Variants in DCT observed in about 807,000 individuals in gnomAD.
DCT encodes the protein dopachrome tautomerase, also known as L-dopachrome tautomerase.
DCT carries 47 observed loss-of-function variants against 53.0 expected under a neutral mutation model. The observed-to-expected ratio is 0.89, with a 90% CI of 0.70 to 1.13. The LOEUF (loss-of-function observed/expected upper bound fraction) is 1.13, where lower values mean the gene tolerates loss of function less well. Among genes scored for constraint, DCT ranks in the 50% most tolerant of loss-of-function variants. The probability of loss-of-function intolerance (pLI) is 0.00; values close to 1 mark genes in which losing one functional copy is unlikely to be tolerated. For missense variants in DCT, 669 were observed against 637.4 expected, an observed-to-expected ratio of 1.05 and a Z score of -0.53; for synonymous variants, 244 against 237.0, an observed-to-expected ratio of 1.03 and a Z score of -0.27.
At chr13:94,487,006 CT>C in the DCT span, among the ~76,000 whole-genome samples, 7 of 152,102 alleles carry the variant, frequency 4.6e-5, no homozygotes, top group Admixed American at 3.9e-4. Context: ...AGAAGAATCC[CT>C]AAAAATTTGG....
upstream of DCT, among the ~76,000 whole-genome samples, chr13:94,483,363 A>G (rs1885527631): frequency 6.6e-6 from 1 of 151,838 alleles, no homozygotes; most frequent in Non-Finnish European, 1.5e-5. Flanking sequence ...TTCCTTCCCC[A>G]ATTCTTTCAT....
At position 94,479,433 on chromosome 13, in the gene DCT, CAT is replaced by C. The variant is rs1389985319; in HGVS notation, c.-180_-179del. 3.3e-6 allele frequency: 2 copies of C among 607,792 alleles called. No homozygotes were observed. Among genetic ancestry groups the C allele is most frequent in the African/African-American group, 1.8e-5 (1 of 54,202 alleles). The allele number at this position is 607,792 out of a possible 1,614,324, so 37.6% of individuals were successfully genotyped here. ...GAATCACAGAGGTTACATGTGTGCA[CAT>C]GTGTACATGAACGTGCACACACAAT... On this transcript the variant is annotated 5_prime_UTR_variant, in exon 1 of 8. It removes an upstream start codon present in the reference 5' UTR. Coordinates refer to ENST00000377028, the MANE Select transcript of DCT (RefSeq NM_001922.5).
the DCT span, among the ~76,000 whole-genome samples, chr13:94,503,597 T>C: frequency 2.7e-3 from 405 of 152,232 alleles, 4 homozygotes; most frequent in African/African-American, 9.4e-3. Context: ...AAGAAAGCCA[T>C]GTGAAGACAA....
intron 1 of DCT, 93 bp from the exon 2 acceptor site, chr13:94,469,138 A>C: frequency 1.8e-6 from 2 of 1,086,762 alleles, no homozygotes; most frequent in South Asian, 1.4e-5. Flanking sequence ...AATGGAAGAG[A>C]AGATGAAGGT....
At chr13:94,522,163 C>A in the DCT span, among the ~76,000 whole-genome samples, 163 of 152,244 alleles carry the variant, frequency 1.1e-3, no homozygotes, top group South Asian at 2.3e-3. Flanking sequence ...AAGTATTGAT[C>A]CTAGATGTGT....
chr13:94,544,034 C>CAAA, the DCT span, among the ~76,000 whole-genome samples: 10 of 122,062 alleles, frequency 8.2e-5, 1 homozygote, highest in Admixed American at 3.2e-4. Flanking sequence ...GACTCTGTCT[C>CAAA]AAAAAAAAAA....
chr13:94,465,529 C>A, intron 4 of DCT, 104 bp downstream of exon 4: 2 of 985,752 alleles, frequency 2.0e-6, no homozygotes, highest in South Asian at 2.3e-5. Flanking sequence ...GTAAATAGGA[C>A]ACCACATGCA....
chr13:94,472,513 CATACATACATATATATATATAT>C (rs1288243807), intron 1 of DCT, among the ~76,000 whole-genome samples: 4 of 37,510 alleles, frequency 1.1e-4, no homozygotes, highest in Non-Finnish European at 2.0e-4. Context: ...TAAATATATA[CATACATACATATATATATATAT>C]ATATATATAT....
chr13:94,447,731 G>A (rs1043654562), intron 6 of DCT, among the ~76,000 whole-genome samples: 1 of 152,196 alleles, frequency 6.6e-6, no homozygotes, highest in African/African-American at 2.4e-5. Flanking sequence ...ATGACAGAAA[G>A]AGACAAGAGA....
chr13:94,509,223 C>T, the DCT span, among the ~76,000 whole-genome samples: 1 of 152,306 alleles, frequency 6.6e-6, no homozygotes, highest in Admixed American at 6.5e-5. Flanking sequence ...AGACTCTTAA[C>T]TTTGTGAACT....
the DCT span, among the ~76,000 whole-genome samples, chr13:94,520,641 C>G: frequency 2.0e-5 from 3 of 152,132 alleles, no homozygotes; most frequent in Admixed American, 2.0e-4. Flanking sequence ...CTTCCTTTCT[C>G]TCTAAAAAGA....
At chr13:94,497,074 T>C in the DCT span, among the ~76,000 whole-genome samples, 1 of 152,246 alleles carries the variant, frequency 6.6e-6, no homozygotes, top group African/African-American at 2.4e-5. Flanking sequence ...TGGTTAAACA[T>C]TTTTCTGGAT....
At chr13:94,449,022 G>A (rs1374558258) in intron 6 of DCT, among the ~76,000 whole-genome samples, 3 of 151,288 alleles carry the variant, frequency 2.0e-5, no homozygotes, top group East Asian at 3.9e-4. Flanking sequence ...ATGAGGTTCC[G>A]AATTTTGGCA....
At chr13:94,461,032 C>T (rs1217375905) in intron 5 of DCT, among the ~76,000 whole-genome samples, 1 of 152,060 alleles carries the variant, frequency 6.6e-6, no homozygotes, top group African/African-American at 2.4e-5. Flanking sequence ...TTGGACACAG[C>T]CTTCAGAGTA....
At chr13:94,546,687 T>C in the DCT span, among the ~76,000 whole-genome samples, 5 of 152,036 alleles carry the variant, frequency 3.3e-5, no homozygotes, top group Non-Finnish European at 7.4e-5. The surrounding 1 kb of genome is among the most constrained non-coding windows in gnomAD (Gnocchi z 4.2). Flanking sequence ...AAAACGGTAA[T>C]TGGTCGCAGC....
At chr13:94,515,463 G>A in the DCT span, among the ~76,000 whole-genome samples, 3 of 152,202 alleles carry the variant, frequency 2.0e-5, no homozygotes, top group African/African-American at 7.2e-5. Flanking sequence ...AACAGGAGAA[G>A]TAAAGTAAAC....
chr13:94,459,985 A>C, intron 6 of DCT, 106 bp downstream of exon 6: 1 of 1,219,546 alleles, frequency 8.2e-7, no homozygotes, highest in Non-Finnish European at 1.2e-6. Context: ...CACACATCAC[A>C]TTGTTCACAC....
In DCT at chr13:94,454,268, T is replaced by C. The variant is rs552795602; in HGVS notation, c.1179+5823A>G. ...AACCTATGGACCCCCCAGCCACTGA[T>C]GAATTGAAGGAACGTAGAACTCACC... On this transcript the variant is annotated intron_variant, in intron 6 of 7. Transcript: ENST00000377028. Among the ~76,000 whole-genome samples the C allele has an allele frequency of 1.6e-3, 237 of 152,300 alleles. 1 individual carries two copies. Among genetic ancestry groups the C allele is most frequent in the Non-Finnish European group, 2.7e-3 (183 of 68,012 alleles).
At chr13:94,513,987 C>CAAAA in the DCT span, among the ~76,000 whole-genome samples, 1,980 of 52,964 alleles carry the variant, frequency 0.037, 200 homozygotes, top group African/African-American at 0.091. Context: ...AACTCTGTCT[C>CAAAA]AAAAAAAAAA....
Sources: allele counts gnomAD v4.1 joint callset (sites outside exome capture counted in the v4.1 genomes callset), GRCh38; gene constraint gnomAD v4.1.1; non-coding constraint Gnocchi (gnomAD v3.1); transcripts MANE v1.5; gene names NCBI Gene and HGNC (gene_info 2026-07-23, HGNC 2026-07-21).